OR7D2: variants seen among roughly 807,000 people sequenced by gnomAD.
The protein encoded by OR7D2 is olfactory receptor 7D2.
For synonymous variants in OR7D2, 158 were observed against 158.7 expected (o/e 1.00, Z 0.03); for missense variants, 370 against 384.1 (o/e 0.96, Z 0.31).
chr19:9,179,440 T>C (rs1213443515), intron 1 of OR7D2, among the ~76,000 whole-genome samples: 1 of 151,570 alleles, frequency 6.6e-6, no homozygotes, highest in Non-Finnish European at 1.5e-5. Context: ...CTCGGGAGCC[T>C]GAGTCAGGAG....
chr19:9,184,360 G>A (rs1432497728), intron 2 of OR7D2, among the ~76,000 whole-genome samples: 1 of 152,126 alleles, frequency 6.6e-6, no homozygotes, highest in Non-Finnish European at 1.5e-5. Flanking sequence ...GTTGCAGTGA[G>A]CTGAGATCAC....
Position 9,186,508 on chromosome 19 carries a change from T to C in OR7D2, c.727T>C (p.Ser243Pro). Reference sequence around the variant, plus strand: ...ACAAAAAGCACTTTCCACCTGTGGGTCTCACCTCTCCGTCGTTTCTTTATT... The same window carrying C: ...ACAAAAAGCACTTTCCACCTGTGGGCCTCACCTCTCCGTCGTTTCTTTATT... ...GKQKALSTCG[S>P]HLSVVSLFYG... The change falls in exon 3 of 3, where the codon TCT becomes CCT. Residue 243 changes from serine to proline, a missense_variant. Coordinates refer to ENST00000641288, the MANE Select transcript of OR7D2 (RefSeq NM_175883.4). The C allele has an allele frequency of 6.2e-7, 1 of 1,614,088 alleles. No homozygotes were observed. The highest frequency in any genetic ancestry group is 8.5e-7 in the Non-Finnish European group (1 of 1,180,018).
intron 1 of OR7D2, among the ~76,000 whole-genome samples, chr19:9,179,492 A>C (rs1056366810): frequency 6.6e-6 from 1 of 151,748 alleles, no homozygotes; most frequent in Non-Finnish European, 1.5e-5. Context: ...ATGAGCCAAG[A>C]TCACGCCACT....
rs1465639765 is a variant in OR7D2, at chr19:9,187,819, GT to G, written c.*1100del. On this transcript the variant is annotated 3_prime_UTR_variant, in exon 3 of 3. Transcript: ENST00000641288. ...TCATTCCTGAGTTACTTCACCTAGAGTAATGACCTCCAGTTCCATCCAAGTT... is the reference window on the plus strand; with the variant it reads ...TCATTCCTGAGTTACTTCACCTAGAGAATGACCTCCAGTTCCATCCAAGTT... 6.0e-6 allele frequency: 1 copy of G among 165,446 alleles called. No individual in the cohort carries two copies. The highest frequency in any genetic ancestry group is 2.4e-5 in the African/African-American group (1 of 41,418). The allele number at this position is 165,446 out of a possible 1,614,324, so 10.2% of individuals were successfully genotyped here.
chr19:9,183,686 G>A (rs967283210), intron 2 of OR7D2, among the ~76,000 whole-genome samples: 2 of 151,228 alleles, frequency 1.3e-5, no homozygotes, highest in Non-Finnish European at 2.9e-5. Context: ...GGCCGGGCGC[G>A]GTGGCTCACG....
intron 2 of OR7D2, among the ~76,000 whole-genome samples, chr19:9,185,227 T>C (rs1300289393): frequency 5.9e-5 from 9 of 152,202 alleles, no homozygotes; most frequent in Non-Finnish European, 1.3e-4. Flanking sequence ...ACGATGGATA[T>C]GTTCATTTGT....
intron 1 of OR7D2, among the ~76,000 whole-genome samples, chr19:9,180,045 A>G (rs924805707): frequency 2.0e-5 from 3 of 151,948 alleles, no homozygotes; most frequent in African/African-American, 4.8e-5. Flanking sequence ...CAAAACAAGT[A>G]TGTATTAAAT....
chr19:9,180,078 C>T (rs934893863), intron 1 of OR7D2, among the ~76,000 whole-genome samples: 1 of 151,778 alleles, frequency 6.6e-6, no homozygotes, highest in African/African-American at 2.4e-5. Context: ...CCAGATGTTA[C>T]ATATATTATC....
chr19:9,185,501 T>C (rs930074270), intron 2 of OR7D2: 10 of 151,364 alleles, frequency 6.6e-5, no homozygotes, highest in African/African-American at 2.4e-4. Flanking sequence ...CGCTTCCTTT[T>C]AAATAAATAA....
intron 1 of OR7D2, among the ~76,000 whole-genome samples, chr19:9,179,616 A>G (rs1251305018): frequency 6.6e-6 from 1 of 152,006 alleles, no homozygotes; most frequent in Admixed American, 6.5e-5. Flanking sequence ...TCTGGAAACT[A>G]GTGACTTTCT....
In OR7D2 at chr19:9,185,969, T is replaced by C. The variant is rs760042979; in HGVS notation, c.188T>C (p.Leu63Pro). Residue 63 changes from leucine (L) to proline (P), a missense_variant, in exon 3 of 3, where the codon CTC (leucine) becomes CCC (proline). Leu to Pro is a moderately conservative substitution (Grantham distance 98). Transcript: ENST00000641288. ...CTCCACACCCCCATGTACTTCTTCC[T>C]CTCCAACCTGTCCTGGGTTGACATC... ...SHLHTPMYFF[L>P]SNLSWVDICF... The C allele has an allele frequency of 3.7e-6, 6 of 1,613,980 alleles. No individual in the cohort carries two copies. The highest frequency in any genetic ancestry group is 4.5e-5 in the East Asian group (2 of 44,892).
Position 9,188,394 on chromosome 19 carries a change from C to T in OR7D2, c.*1674C>T, listed in dbSNP as rs1229620267. On this transcript the variant is annotated 3_prime_UTR_variant, in exon 3 of 3. Coordinates refer to ENST00000641288, the MANE Select transcript of OR7D2 (RefSeq NM_175883.4). ...GGTGTGAGCCACTGTGCCTGGCCTTCTAGTTCTTTAAGATACCACTTTAAA... is the reference window on the plus strand; with the variant it reads ...GGTGTGAGCCACTGTGCCTGGCCTTTTAGTTCTTTAAGATACCACTTTAAA... 6.0e-6 allele frequency: 1 copy of T among 165,678 alleles called. No homozygotes were observed. Among genetic ancestry groups the T allele is most frequent in the Non-Finnish European group, 1.5e-5 (1 of 68,168 alleles). 10.3% of individuals were successfully genotyped at this position (165,678 alleles called of 1,614,324 possible). A position where few individuals can be genotyped will look rare whatever the true frequency, so the allele number is the denominator to read the frequency against.
rs765900722 is a variant in OR7D2 at position 9,186,706 on chromosome 19, G to A, written c.925G>A (p.Ala309Thr). The change falls in exon 3 of 3, where the codon GCC becomes ACC. Residue 309 changes from alanine to threonine, a missense_variant. Physicochemically the swap from Ala to Thr is moderately conservative, Grantham distance 58. Transcript: ENST00000641288. ...GALGSLLSRA[A>T]SCL ...CCTGGGGAGTCTCCTCAGCAGGGCA[G>A]CCTCTTGTTTGTGATGGATCCCTTG... The A allele has an allele frequency of 6.3e-7, 1 of 1,599,382 alleles. No individual in the cohort carries two copies. Among genetic ancestry groups the A allele is most frequent in the Non-Finnish European group, 8.5e-7 (1 of 1,175,160 alleles).
At position 9,186,117 on chromosome 19, in the gene OR7D2, G is replaced by A. The variant is rs148442229; in HGVS notation, c.336G>A (p.Thr112=). 142 of 1,613,906 alleles carry A rather than the reference G, an allele frequency of 8.8e-5. No individual in the cohort carries two copies. In the Middle Eastern group the frequency reaches 4.3e-3, roughly 49 times the overall value. Residue 112 remains threonine, a synonymous_variant, in exon 3 of 3, where the codon ACG becomes ACA. Coordinates refer to ENST00000641288, the MANE Select transcript of OR7D2 (RefSeq NM_175883.4). The stretch of plus-strand genomic sequence containing the variant: ...CCATGTTTTTTCCTATTCTGGACAC[G>A]CTACTCCTGACCGTGATGGCCTATG... ...YFSMFFPILD[T]LLLTVMAYDR...
intron 2 of OR7D2, chr19:9,182,891 G>A: frequency 5.6e-6 from 2 of 357,270 alleles, no homozygotes; most frequent in Admixed American, 3.5e-5. Context: ...TTCGTTCTCA[G>A]CAAATTGACC....
rs142890150 is a variant in OR7D2, at chr19:9,185,976, C to T, written c.195C>T (p.Asn65=). The T allele has an allele frequency of 1.6e-5, 26 of 1,614,176 alleles. No homozygotes were observed. The East Asian group carries it at 5.1e-4, about 32-fold the overall frequency. ...LHTPMYFFLS[N]LSWVDICFST... The stretch of plus-strand genomic sequence containing the variant: ...CCCCCATGTACTTCTTCCTCTCCAA[C>T]CTGTCCTGGGTTGACATCTGTTTCA... Residue 65 remains asparagine, a synonymous_variant, in exon 3 of 3, where the codon AAC becomes AAT. Transcript: ENST00000641288.
At chr19:9,181,853 G>A (rs1165053371) in intron 2 of OR7D2, among the ~76,000 whole-genome samples, 1 of 151,870 alleles carries the variant, frequency 6.6e-6, no homozygotes, top group African/African-American at 2.4e-5. Flanking sequence ...TTAAAGTTCT[G>A]CGTCTTTGGC....
rs1210905538 is a variant in OR7D2, at chr19:9,178,983, A to C, written c.-245A>C. 6.6e-6 allele frequency: 1 copy of C among 152,190 alleles called. No homozygotes were observed. Among genetic ancestry groups the C allele is most frequent in the Non-Finnish European group, 1.5e-5 (1 of 68,062 alleles). 9.4% of individuals were successfully genotyped at this position (152,190 alleles called of 1,614,324 possible). On this transcript the variant is annotated 5_prime_UTR_variant, in exon 1 of 3. Transcript: ENST00000641288. ...CACCTGGACAGTTTCCTGACGCCAC[A>C]CTCATGCATCTTAGAGAGGAGAGTT... is the stretch of plus-strand genomic sequence containing the variant.
rs546097616 is a variant in OR7D2 at position 9,187,863 on chromosome 19, T to A, written c.*1143T>A. 2.4e-5 allele frequency: 4 copies of A among 163,940 alleles called. No individual in the cohort carries two copies. Among genetic ancestry groups the A allele is most frequent in the Non-Finnish European group, 1.5e-5 (1 of 68,100 alleles). 10.2% of individuals were successfully genotyped at this position (163,940 alleles called of 1,614,324 possible). On this transcript the variant is annotated 3_prime_UTR_variant, in exon 3 of 3. Transcript: ENST00000641288. ...TCCAAGTTGCTACAAAAGACATTAT[T>A]TGGTTCCTTTTTATGGATAAGTAGT... is the stretch of plus-strand genomic sequence containing the variant.
Sources: gnomAD v4.1 joint callset for allele counts (sites outside exome capture counted in the v4.1 genomes callset) on GRCh38, gnomAD v4.1.1 for gene constraint, MANE v1.5 for transcripts, NCBI Gene and HGNC (gene_info 2026-07-23, HGNC 2026-07-21) for gene names.